The following CHST9 variants were observed in gnomAD, a reference collection of about 807,000 sequenced individuals.
CHST9 encodes carbohydrate sulfotransferase 9, also known as GalNAc-4-sulfotransferase 2.
A neutral mutation model predicts 44.4 loss-of-function variants in CHST9; 41 were observed. The ratio of observed to expected loss-of-function variants is 0.92; its 90% CI spans 0.72 to 1.20. The LOEUF is 1.20. Among genes scored for constraint, CHST9 ranks in the 50% most tolerant of loss-of-function variants. The probability of loss-of-function intolerance (pLI) is 0.00; values close to 1 mark genes in which losing one functional copy is unlikely to be tolerated. For synonymous variants in CHST9, 171 were observed against 178.4 expected (o/e 0.96, Z 0.33); for missense variants, 504 against 516.5 (o/e 0.98, Z 0.23).
At chr18:27,101,915 T>C (rs1412918702) in intron 2 of CHST9, among the ~76,000 whole-genome samples, 5 of 152,204 alleles carry the variant, frequency 3.3e-5, no homozygotes, top group Non-Finnish European at 7.4e-5. Context: ...ACTACACAAT[T>C]GTTCCTTCAT....
At chr18:26,959,760 C>T (rs1231119163) in intron 4 of CHST9, among the ~76,000 whole-genome samples, 1 of 152,110 alleles carries the variant, frequency 6.6e-6, no homozygotes, top group Non-Finnish European at 1.5e-5. Flanking sequence ...ACTCTAGATA[C>T]TTAAAGAAAT....
intron 2 of CHST9, among the ~76,000 whole-genome samples, chr18:27,115,523 T>TTTTG (rs1485331219): frequency 1.3e-4 from 20 of 152,232 alleles, no homozygotes; most frequent in South Asian, 6.2e-4. Flanking sequence ...ATACTTGTTA[T>TTTTG]CTTGTTTGTT....
chr18:27,079,425 C>G (rs1598705960), intron 2 of CHST9, among the ~76,000 whole-genome samples: 1 of 152,022 alleles, frequency 6.6e-6, no homozygotes, highest in East Asian at 1.9e-4. Flanking sequence ...TTTCTCTTCA[C>G]TATTTTAAAA....
chr18:26,923,135 G>T (rs1598558091), intron 5 of CHST9, among the ~76,000 whole-genome samples: 1 of 152,140 alleles, frequency 6.6e-6, no homozygotes, highest in Admixed American at 6.5e-5. Context: ...TATACAGTTG[G>T]TATTCTCATA....
chr18:27,053,751 G>C (rs1276612748), intron 2 of CHST9, among the ~76,000 whole-genome samples: 1 of 152,126 alleles, frequency 6.6e-6, no homozygotes, highest in African/African-American at 2.4e-5. Context: ...CATTACACCA[G>C]GAATTACACC....
intron 2 of CHST9, among the ~76,000 whole-genome samples, chr18:27,050,362 C>A (rs2057551235): frequency 6.6e-6 from 1 of 152,090 alleles, no homozygotes; most frequent in South Asian, 2.1e-4. Context: ...GAGGTGAGGA[C>A]CGTGGTTTGG....
rs1230226674 is a variant in CHST9 at position 27,166,436 on chromosome 18, A to C, written c.-97+18700T>G. On this transcript the variant is annotated intron_variant, in intron 1 of 5. Coordinates refer to ENST00000618847, the MANE Select transcript of CHST9 (RefSeq NM_031422.6). ...GCATTCTTTTTTTGTCTCTGGACACATGAACACTCTCTCTTTTCTTTTTAA... is the reference window on the plus strand; with the variant it reads ...GCATTCTTTTTTTGTCTCTGGACACCTGAACACTCTCTCTTTTCTTTTTAA... 3.9e-5 allele frequency among the ~76,000 whole-genome samples: 6 copies of C among 152,166 alleles called. No homozygotes were observed. In the East Asian group the frequency reaches 1.2e-3, roughly 29 times the overall value.
chr18:27,018,035 G>T (rs1009845570), intron 4 of CHST9, among the ~76,000 whole-genome samples: 1 of 152,084 alleles, frequency 6.6e-6, no homozygotes, highest in African/African-American at 2.4e-5. Context: ...AAACCAAAAA[G>T]CCTTGTCCAG....
At chr18:27,063,294 T>C (rs993445) in intron 2 of CHST9, among the ~76,000 whole-genome samples, 1 of 152,302 alleles carries the variant, frequency 6.6e-6, no homozygotes, top group East Asian at 1.9e-4. Context: ...GTGATACTGG[T>C]CTAATTTATG....
At chr18:27,131,028 T>G (rs979604382) in intron 2 of CHST9, among the ~76,000 whole-genome samples, 2 of 152,156 alleles carry the variant, frequency 1.3e-5, no homozygotes, top group Non-Finnish European at 2.9e-5. Context: ...GAAACCATCA[T>G]GTACAGAGAC....
chr18:27,160,423 C>A (rs1032310284), intron 1 of CHST9, among the ~76,000 whole-genome samples: 1 of 152,038 alleles, frequency 6.6e-6, no homozygotes, highest in African/African-American at 2.4e-5. Context: ...TATTGATTTG[C>A]GTATGTTGAA....
At chr18:27,179,235 T>C (rs2058893013) in intron 1 of CHST9, among the ~76,000 whole-genome samples, 1 of 151,900 alleles carries the variant, frequency 6.6e-6, no homozygotes, top group Admixed American at 6.6e-5. Flanking sequence ...CCAAAAAAGA[T>C]AGATTCCTAA....
rs1378578136 is a variant in CHST9, at chr18:26,917,156, C to T, written c.435G>A (p.Lys145=). 1.9e-6 allele frequency: 3 copies of T among 1,613,780 alleles called. No homozygotes were observed. The highest frequency in any genetic ancestry group is 1.3e-5 in the African/African-American group (1 of 74,888). The part of the protein sequence containing the change: ...KRQGAKTVFN[K]FSNMNWPVDI... ...CCACTGGCCAATTCATGTTGCTGAA[C>T]TTGTTAAAAACAGTCTTAGCTCCTT... The change falls in exon 6 of 6, where the codon AAG becomes AAA. Residue 145 remains lysine, a synonymous_variant. Transcript: ENST00000618847.
At chr18:26,989,504 C>T (rs2145205309) in intron 4 of CHST9, among the ~76,000 whole-genome samples, 1 of 152,320 alleles carries the variant, frequency 6.6e-6, no homozygotes, top group African/African-American at 2.4e-5. Context: ...TGCAACCATT[C>T]TGGAAAATAG....
In CHST9 at chr18:26,916,729, A is replaced by C; in HGVS notation, c.862T>G (p.Ser288Ala). The change falls in exon 6 of 6, where the codon TCA becomes GCA. Residue 288 changes from serine to alanine, a missense_variant. Ser to Ala is a moderately conservative substitution (Grantham distance 99). Coordinates refer to ENST00000618847, the MANE Select transcript of CHST9 (RefSeq NM_031422.6). ...FVRDPMERLVSAFRDKFEHPN... is the reference protein window; with the variant it reads ...FVRDPMERLVAAFRDKFEHPN... ...TGTTCAAATTTGTCCCTAAAGGCTG[A>C]TACTAATCTTTCCATGGGATCACGA... 6.2e-7 allele frequency: 1 copy of C among 1,613,914 alleles called. No individual in the cohort carries two copies. Among genetic ancestry groups the C allele is most frequent in the Non-Finnish European group, 8.5e-7 (1 of 1,179,838 alleles).
chr18:27,164,548 T>C (rs145474710), intron 1 of CHST9, among the ~76,000 whole-genome samples: 1 of 152,214 alleles, frequency 6.6e-6, no homozygotes, highest in African/African-American at 2.4e-5. Flanking sequence ...AGAAGACCAT[T>C]AATGATATAA....
At chr18:27,041,303 G>A (rs140867775) in intron 3 of CHST9, among the ~76,000 whole-genome samples, 1 of 152,126 alleles carries the variant, frequency 6.6e-6, no homozygotes, top group South Asian at 2.1e-4. Flanking sequence ...AATTGAAGAT[G>A]AAAGTGTAAA....
chr18:27,171,017 G>A (rs2058829880), intron 1 of CHST9, among the ~76,000 whole-genome samples: 1 of 152,192 alleles, frequency 6.6e-6, no homozygotes, highest in African/African-American at 2.4e-5. Context: ...CTATGTAGTG[G>A]TCTCCCAGAT....
chr18:27,059,543 A>G (rs541615382), intron 2 of CHST9, among the ~76,000 whole-genome samples: 1 of 152,202 alleles, frequency 6.6e-6, no homozygotes, highest in African/African-American at 2.4e-5. Context: ...ATGAGTCCAA[A>G]CAGAATCTAT....
Sources: gnomAD v4.1 joint callset for allele counts (sites outside exome capture counted in the v4.1 genomes callset) on GRCh38, gnomAD v4.1.1 for gene constraint, MANE v1.5 for transcripts, NCBI Gene and HGNC (gene_info 2026-07-23, HGNC 2026-07-21) for gene names.